Variants in LGR6 observed in about 807,000 individuals in gnomAD.
LGR6 encodes leucine rich repeat containing G protein-coupled receptor 6.
A neutral mutation model predicts 69.4 loss-of-function variants in LGR6; 45 were observed. The observed-to-expected ratio is 0.65, with a 90% CI of 0.51 to 0.83. LGR6 has a LOEUF of 0.83. Among genes scored for constraint, LGR6 ranks in the 40% least tolerant of loss-of-function variants. The pLI is 0.00. For missense variants in LGR6, 1,108 were observed against 1,246.7 expected (o/e 0.89, Z 1.68); for synonymous variants, 538 against 555.0 (o/e 0.97, Z 0.43).
intron 17 of LGR6, among the ~76,000 whole-genome samples, chr1:202,316,692 T>A (rs1654170642): frequency 6.6e-6 from 1 of 152,232 alleles, no homozygotes; most frequent in South Asian, 2.1e-4. Flanking sequence ...TCATGTTATA[T>A]TTTCAAATTT....
chr1:202,237,096 C>T (rs906754808), intron 4 of LGR6, among the ~76,000 whole-genome samples: 2 of 152,210 alleles, frequency 1.3e-5, no homozygotes, highest in Non-Finnish European at 2.9e-5. Context: ...ACCCTCCTGC[C>T]TCTGTGTCTG....
chr1:202,311,975 G>GA (rs779563173), intron 16 of LGR6, among the ~76,000 whole-genome samples: 2 of 152,226 alleles, frequency 1.3e-5, no homozygotes, highest in Non-Finnish European at 2.9e-5. Context: ...TGGGCCAGCA[G>GA]ACAGCTGTCC....
intron 7 of LGR6, among the ~76,000 whole-genome samples, chr1:202,298,149 G>A (rs146378966): frequency 1.6e-4 from 24 of 152,296 alleles, no homozygotes; most frequent in Non-Finnish European, 3.1e-4. Flanking sequence ...AAGTAACATA[G>A]GTAAAACAGG....
chr1:202,263,557 C>A lies in LGR6; in HGVS notation c.429-12749C>A, dbSNP rs539089400. On this transcript the variant is annotated intron_variant, in intron 4 of 17. Transcript: ENST00000367278. Reference sequence around the variant, plus strand: ...GTTTGATTTGTTCCTTCATTTCCTCCCTAGGCTAGAGGAGAGGGATTATGG... The same window carrying A: ...GTTTGATTTGTTCCTTCATTTCCTCACTAGGCTAGAGGAGAGGGATTATGG... 1.5e-4 allele frequency among the ~76,000 whole-genome samples: 23 copies of A among 152,200 alleles called. No homozygotes were observed. In the South Asian group the frequency reaches 4.2e-3, roughly 28 times the overall value.
intron 6 of LGR6, among the ~76,000 whole-genome samples, chr1:202,284,405 A>G (rs1666244896): frequency 6.6e-6 from 1 of 152,212 alleles, no homozygotes; most frequent in Admixed American, 6.5e-5. Flanking sequence ...ACCAGATCAG[A>G]CCAAATGTAG....
At chr1:202,218,235 G>A (rs1337903408) in intron 1 of LGR6, among the ~76,000 whole-genome samples, 2 of 152,214 alleles carry the variant, frequency 1.3e-5, no homozygotes, top group African/African-American at 2.4e-5. Context: ...TTGAAGGAGT[G>A]TAGGTAGAGG....
chr1:202,259,508 A>G (rs1181394969), intron 4 of LGR6, among the ~76,000 whole-genome samples: 1 of 152,192 alleles, frequency 6.6e-6, no homozygotes. Flanking sequence ...CCTGAAAACT[A>G]TCCATTTCAT....
At chr1:202,248,718 T>C (rs1662968387) in intron 4 of LGR6, among the ~76,000 whole-genome samples, 1 of 152,148 alleles carries the variant, frequency 6.6e-6, no homozygotes, top group Non-Finnish European at 1.5e-5. Context: ...AGGACATCAT[T>C]GCTGTCCCCT....
At chr1:202,246,748 G>A (rs771877786) in intron 4 of LGR6, among the ~76,000 whole-genome samples, 22 of 152,106 alleles carry the variant, frequency 1.4e-4, no homozygotes, top group Non-Finnish European at 2.5e-4. Context: ...GATGAAAACC[G>A]GGTGAAGCCC....
intron 4 of LGR6, among the ~76,000 whole-genome samples, chr1:202,260,641 C>G (rs1239125188): frequency 6.6e-6 from 1 of 152,204 alleles, no homozygotes; most frequent in Non-Finnish European, 1.5e-5. Context: ...TTGAGTTCTT[C>G]ATTTAAAAAT....
At chr1:202,288,171 C>A (rs1252225945) in intron 6 of LGR6, among the ~76,000 whole-genome samples, 1 of 152,192 alleles carries the variant, frequency 6.6e-6, no homozygotes. Context: ...CTGGAATGTT[C>A]TTTCCACCAT....
chr1:202,208,915 A>G (rs890488106), intron 1 of LGR6, among the ~76,000 whole-genome samples: 2 of 152,068 alleles, frequency 1.3e-5, no homozygotes, highest in Non-Finnish European at 2.9e-5. Context: ...CATAGGGGTA[A>G]AGAGTGTAGT....
chr1:202,202,856 T>G (rs1658885915), intron 1 of LGR6, among the ~76,000 whole-genome samples: 1 of 152,174 alleles, frequency 6.6e-6, no homozygotes, highest in African/African-American at 2.4e-5. Flanking sequence ...CCCTTTGCCC[T>G]TGGAGGTGCT....
intron 4 of LGR6, among the ~76,000 whole-genome samples, chr1:202,270,496 C>T (rs2148138397): frequency 6.6e-6 from 1 of 152,328 alleles, no homozygotes; most frequent in South Asian, 2.1e-4. Context: ...CCCACCTCAG[C>T]CTCCCAAAGT....
intron 4 of LGR6, among the ~76,000 whole-genome samples, chr1:202,257,921 A>G (rs1166439143): frequency 6.6e-6 from 1 of 152,148 alleles, no homozygotes; most frequent in Admixed American, 6.5e-5. Flanking sequence ...CATCTTAACA[A>G]TATTGTCTTC....
At chr1:202,228,325 G>A (rs1366769424) in intron 3 of LGR6, among the ~76,000 whole-genome samples, 2 of 152,180 alleles carry the variant, frequency 1.3e-5, no homozygotes, top group Admixed American at 6.5e-5. Flanking sequence ...AGACCCACAG[G>A]TCTCTCCCCA....
chr1:202,219,197 C>CT (rs1378648078), intron 1 of LGR6, among the ~76,000 whole-genome samples: 2 of 152,196 alleles, frequency 1.3e-5, no homozygotes, highest in African/African-American at 4.8e-5. Context: ...TGTTTCCTGG[C>CT]TTTTTTCAGT....
At chr1:202,245,412 CA>C (rs1458030827) in intron 4 of LGR6, among the ~76,000 whole-genome samples, 3 of 152,100 alleles carry the variant, frequency 2.0e-5, no homozygotes, top group East Asian at 1.9e-4. Context: ...GCCAGGGGAT[CA>C]GGGGTGATTC....
rs1369256375 is a variant in LGR6, at chr1:202,193,983, C to A, written c.-7C>A. 7.3e-7 allele frequency: 1 copy of A among 1,365,552 alleles called. No individual in the cohort carries two copies. Among genetic ancestry groups the A allele is most frequent in the Non-Finnish European group, 9.4e-7 (1 of 1,060,532 alleles). 84.6% of individuals were successfully genotyped at this position (1,365,552 alleles called of 1,614,324 possible). ...CCGCCAGGTGCCCCAGTAGCCCGAC[C>A]GCCGAGATGCCCAGCCCGCCGGGGC... On this transcript the variant is annotated 5_prime_UTR_variant, in exon 1 of 18. Coordinates refer to ENST00000367278, the MANE Select transcript of LGR6 (RefSeq NM_001017403.2).
Sources: allele counts gnomAD v4.1 joint callset (sites outside exome capture counted in the v4.1 genomes callset), GRCh38; gene constraint gnomAD v4.1.1; transcripts MANE v1.5; gene names NCBI Gene and HGNC (gene_info 2026-07-23, HGNC 2026-07-21).